COL4A3: variants seen among roughly 807,000 people sequenced by gnomAD.
The protein encoded by COL4A3 is collagen alpha-3(IV) chain.
COL4A3 carries 135 observed loss-of-function variants against 217.4 expected under a neutral mutation model. The observed-to-expected ratio is 0.62, with a 90% confidence interval of 0.54 to 0.72. The LOEUF (loss-of-function observed/expected upper bound fraction) is 0.72, where lower values mean the gene tolerates loss of function less well. COL4A3 is among the 30% of genes least tolerant of loss of function. The pLI is 0.00. For synonymous variants in COL4A3, 690 were observed against 736.3 expected (o/e 0.94, Z 1.02); for missense variants, 1,868 against 2,119.9 (o/e 0.88, Z 2.33).
At chr2:227,240,298 CT>C in intron 3 of COL4A3, 66 bp downstream of exon 3, 2 of 1,430,998 alleles carry the variant, frequency 1.4e-6, no homozygotes, top group Non-Finnish European at 1.9e-6. Context: ...TACCCCCTGG[CT>C]GCTGCAAACC....
intron 7 of COL4A3, 28 bp from the exon 8 acceptor site, chr2:227,247,530 A>G (rs1574678315): frequency 5.6e-6 from 9 of 1,612,574 alleles, no homozygotes; most frequent in Non-Finnish European, 7.6e-6. Context: ...ATATTCCTCT[A>G]GTTGTTCATA....
intron 1 of COL4A3, among the ~76,000 whole-genome samples, chr2:227,214,396 GC>G (rs1487818875): frequency 1.3e-5 from 2 of 152,134 alleles, no homozygotes; most frequent in Admixed American, 6.5e-5. Context: ...ATATAGAGAA[GC>G]CTTCTTTGAT....
chr2:227,249,761 T>A (rs2069622576), intron 9 of COL4A3, among the ~76,000 whole-genome samples: 1 of 152,180 alleles, frequency 6.6e-6, no homozygotes, highest in Admixed American at 6.5e-5. Context: ...ATGATGGCTC[T>A]CGCTTTTTTG....
Position 227,253,690 on chromosome 2 carries a change from A to G in COL4A3, c.765+52A>G. On this transcript the variant is annotated intron_variant, in intron 13 of 51. Transcript: ENST00000396578. This position sits in a 1 kb window ranked among gnomAD's most constrained non-coding sequence, Gnocchi z 4.4. ...TTGTGCCTTCCCGTGTCTAGGATGAAGTCCTTGTGACCCTGCACCTCTTTT... is the reference window on the plus strand; with the variant it reads ...TTGTGCCTTCCCGTGTCTAGGATGAGGTCCTTGTGACCCTGCACCTCTTTT... 7.0e-7 allele frequency: 1 copy of G among 1,425,912 alleles called. No homozygotes were observed. Among genetic ancestry groups the G allele is most frequent in the Non-Finnish European group, 9.9e-7 (1 of 1,008,176 alleles). The allele number at this position is 1,425,912 out of a possible 1,614,324, so 88.3% of individuals were successfully genotyped here.
In COL4A3 at chr2:227,311,970, T is replaced by A; in HGVS notation, c.*100T>A. 6.5e-7 allele frequency: 1 copy of A among 1,542,028 alleles called. No individual in the cohort carries two copies. Among genetic ancestry groups the A allele is most frequent in the Non-Finnish European group, 8.8e-7 (1 of 1,138,202 alleles). ...GTATTTTTCTTTAACCAAACAATAT[T>A]GCTCCATGATGACTTAGTACAAAGT... On this transcript the variant is annotated 3_prime_UTR_variant, in exon 52 of 52. Transcript: ENST00000396578.
At chr2:227,235,772 CTTTTT>C (rs201024233) in intron 1 of COL4A3, among the ~76,000 whole-genome samples, 27 of 122,422 alleles carry the variant, frequency 2.2e-4, no homozygotes, top group Admixed American at 2.7e-4. Context: ...TATTTCATTC[CTTTTT>C]TTTTTTTTTT....
At chr2:227,207,162 C>T (rs139196035) in intron 1 of COL4A3, among the ~76,000 whole-genome samples, 61 of 152,286 alleles carry the variant, frequency 4.0e-4, no homozygotes, top group African/African-American at 1.4e-3. Flanking sequence ...TCCCTTTCCA[C>T]TCGTCATCTC....
At chr2:227,169,711 G>A (rs915513927) in intron 1 of COL4A3, among the ~76,000 whole-genome samples, 3 of 152,168 alleles carry the variant, frequency 2.0e-5, no homozygotes, top group Admixed American at 6.5e-5. Flanking sequence ...GTCTGTTCAT[G>A]TCCTTTGCCC....
intron 26 of COL4A3, among the ~76,000 whole-genome samples, chr2:227,275,573 C>A (rs537184397): frequency 6.6e-6 from 1 of 152,056 alleles, no homozygotes; most frequent in Non-Finnish European, 1.5e-5. Flanking sequence ...ATACTGTAAA[C>A]CTATTTTTTT....
intron 39 of COL4A3, 55 bp downstream of exon 39, chr2:227,294,625 C>A: frequency 7.7e-7 from 1 of 1,302,344 alleles, no homozygotes; most frequent in Non-Finnish European, 1.1e-6. Context: ...ACATTTTCTC[C>A]TGAGGTTTGG....
At chr2:227,192,584 T>C (rs1225947378) in intron 1 of COL4A3, among the ~76,000 whole-genome samples, 2 of 152,208 alleles carry the variant, frequency 1.3e-5, no homozygotes, top group Admixed American at 6.5e-5. Flanking sequence ...TGTATGGAGA[T>C]CACTTGACGG....
At chr2:227,294,915 T>G in intron 39 of COL4A3, 49 bp from the exon 40 acceptor site, 3 of 1,414,790 alleles carry the variant, frequency 2.1e-6, no homozygotes, top group Non-Finnish European at 3.0e-6. Context: ...TAAATCCTCT[T>G]TTTGTATACC....
chr2:227,274,867 T>G (rs2071463892), intron 26 of COL4A3, among the ~76,000 whole-genome samples: 1 of 152,218 alleles, frequency 6.6e-6, no homozygotes, highest in African/African-American at 2.4e-5. Context: ...ACCAGCCCAC[T>G]GCCTGATTTT....
At chr2:227,260,968 A>C in intron 19 of COL4A3, 114 bp from the exon 20 acceptor site, 1 of 854,754 alleles carries the variant, frequency 1.2e-6, no homozygotes, top group Non-Finnish European at 1.9e-6. Flanking sequence ...GTAGGAAAAA[A>C]GTATGAAAAC....
rs571769552 is a variant in COL4A3 at position 227,270,041 on chromosome 2, A to G, written c.1575+61A>G. ...TTGACAAATTGCACACTCTAGAAATATGGTTGCAACACACTTACCAGTTTG... is the reference window on the plus strand; with the variant it reads ...TTGACAAATTGCACACTCTAGAAATGTGGTTGCAACACACTTACCAGTTTG... On this transcript the variant is annotated intron_variant, in intron 24 of 51. Transcript: ENST00000396578. 36 of 1,430,160 alleles carry G rather than the reference A, an allele frequency of 2.5e-5. No individual in the cohort carries two copies. In the South Asian group the frequency reaches 3.7e-4, roughly 15 times the overall value. The allele number at this position is 1,430,160 out of a possible 1,614,324, so 88.6% of individuals were successfully genotyped here. A position where few individuals can be genotyped will look rare whatever the true frequency, so the allele number is the denominator to read the frequency against.
chr2:227,300,359 C>T (rs1181839656), intron 43 of COL4A3, among the ~76,000 whole-genome samples: 2 of 151,802 alleles, frequency 1.3e-5, no homozygotes, highest in Non-Finnish European at 2.9e-5. Flanking sequence ...TTATTTCTTG[C>T]CTAGCTTGTT....
At chr2:227,274,208 G>A (rs1559888131) in intron 26 of COL4A3, among the ~76,000 whole-genome samples, 1 of 149,108 alleles carries the variant, frequency 6.7e-6, no homozygotes, top group Admixed American at 6.7e-5. Context: ...CTGCACTCCA[G>A]CCTGGGCAAC....
rs1191611258 is a variant in COL4A3 at position 227,272,935 on chromosome 2, T to G, written c.1759-14T>G. On this transcript the variant is annotated splice_polypyrimidine_tract_variant and intron_variant, in intron 25 of 51. Coordinates refer to ENST00000396578, the MANE Select transcript of COL4A3 (RefSeq NM_000091.5). ...GGAATGAAGCACGATTCAAACACATTCCTGTTGTCACAGGCTCTGAGTGGT... is the reference window on the plus strand; with the variant it reads ...GGAATGAAGCACGATTCAAACACATGCCTGTTGTCACAGGCTCTGAGTGGT... 1.9e-6 allele frequency: 3 copies of G among 1,613,412 alleles called. No individual in the cohort carries two copies. The highest frequency in any genetic ancestry group is 1.6e-4 in the Middle Eastern group (1 of 6,072).
chr2:227,238,221 T>A, intron 2 of COL4A3, 197 bp downstream of exon 2: 1 of 463,046 alleles, frequency 2.2e-6, no homozygotes, highest in Non-Finnish European at 3.9e-6. Context: ...TTCAGATACC[T>A]TGTATATACA....
Sources: allele counts gnomAD v4.1 joint callset (sites outside exome capture counted in the v4.1 genomes callset), GRCh38; gene constraint gnomAD v4.1.1; non-coding constraint Gnocchi (gnomAD v3.1); transcripts MANE v1.5; gene names NCBI Gene and HGNC (gene_info 2026-07-23, HGNC 2026-07-21).